GABRB3: variants seen among roughly 807,000 people sequenced by gnomAD.
GABRB3 encodes gamma-aminobutyric acid type A receptor subunit beta3, also known as gamma-aminobutyric acid receptor subunit beta-3.
A neutral mutation model predicts 52.1 loss-of-function variants in GABRB3; 14 were observed. The observed-to-expected ratio is 0.27, with a 90% CI of 0.18 to 0.42. GABRB3 has a LOEUF of 0.42. Ranked by LOEUF, GABRB3 falls within the 10% of genes least tolerant of loss-of-function variation. The probability of loss-of-function intolerance (pLI) is 1.00; values close to 1 mark genes in which losing one functional copy is unlikely to be tolerated. For synonymous variants in GABRB3, 260 were observed against 232.3 expected (o/e 1.12, Z -1.08); for missense variants, 307 against 609.1 (o/e 0.50, Z 5.22).
intron 3 of GABRB3, among the ~76,000 whole-genome samples, chr15:26,681,513 G>A (rs777925108): frequency 1.1e-4 from 17 of 152,074 alleles, no homozygotes; most frequent in African/African-American, 3.9e-4. Context: ...CTCCTCCAAC[G>A]GGCTATGGAT....
intron 4 of GABRB3, among the ~76,000 whole-genome samples, chr15:26,585,065 G>A (rs961483118): frequency 1.3e-5 from 2 of 152,118 alleles, no homozygotes; most frequent in African/African-American, 4.8e-5. Flanking sequence ...GGGAGAGAAG[G>A]TACAGCAAGT....
intron 3 of GABRB3, among the ~76,000 whole-genome samples, chr15:26,646,977 G>T (rs1251552935): frequency 6.6e-6 from 1 of 152,112 alleles, no homozygotes; most frequent in Non-Finnish European, 1.5e-5. Context: ...CCGAGTAGCT[G>T]GGACTACAGG....
At chr15:26,570,490 G>T (rs1175242541) in intron 6 of GABRB3, among the ~76,000 whole-genome samples, 1 of 152,224 alleles carries the variant, frequency 6.6e-6, no homozygotes, top group African/African-American at 2.4e-5. Context: ...TCATGCCACA[G>T]TCAAAATCTT....
intron 3 of GABRB3, among the ~76,000 whole-genome samples, chr15:26,702,717 A>G (rs1888976038): frequency 6.6e-6 from 1 of 152,228 alleles, no homozygotes; most frequent in Admixed American, 6.5e-5. Flanking sequence ...TATTTACCCA[A>G]GAGAAATGAA....
intron 3 of GABRB3, among the ~76,000 whole-genome samples, chr15:26,655,004 A>G (rs1036931785): frequency 1.3e-5 from 2 of 152,052 alleles, no homozygotes; most frequent in Admixed American, 1.3e-4. Context: ...TTATTTTTAA[A>G]TAAGTACATT....
At chr15:26,672,297 T>C (rs193183414) in intron 3 of GABRB3, among the ~76,000 whole-genome samples, 8 of 152,304 alleles carry the variant, frequency 5.3e-5, no homozygotes, top group African/African-American at 1.9e-4. Flanking sequence ...CCAGGCATTT[T>C]ATAACCAGGG....
At chr15:26,629,383 C>G (rs985738262) in intron 3 of GABRB3, among the ~76,000 whole-genome samples, 3 of 152,198 alleles carry the variant, frequency 2.0e-5, no homozygotes, top group African/African-American at 4.8e-5. Flanking sequence ...AGAACCTCGC[C>G]CTGGGAGGGT....
At chr15:26,773,582 GC>G, upstream of GABRB3, 1 of 1,393,064 alleles carries the variant, frequency 7.2e-7, no homozygotes, top group Non-Finnish European at 9.9e-7. Context: ...GCCTCTGCCC[GC>G]CGGACTGCGG....
chr15:26,549,215 C>T (rs1889368985), intron 8 of GABRB3, among the ~76,000 whole-genome samples: 1 of 152,208 alleles, frequency 6.6e-6, no homozygotes, highest in Admixed American at 6.5e-5. Context: ...CCGCCTTCTG[C>T]ATACACTTTA....
chr15:26,609,428 G>T (rs950524536), intron 4 of GABRB3, among the ~76,000 whole-genome samples: 4 of 151,960 alleles, frequency 2.6e-5, no homozygotes, highest in Non-Finnish European at 5.9e-5. Flanking sequence ...TTTATTTTTG[G>T]TTGAATACAA....
intron 8 of GABRB3, among the ~76,000 whole-genome samples, chr15:26,554,021 T>TTTTATATATATATATATATATATATATA (rs1555400756): frequency 1.4e-3 from 34 of 23,672 alleles, no homozygotes; most frequent in African/African-American, 3.1e-3. Context: ...ACCTGACTAT[T>TTTTATATATATATATATATATATATATA]TATATATATA....
At chr15:26,553,814 G>A (rs551527551) in intron 8 of GABRB3, among the ~76,000 whole-genome samples, 1 of 151,746 alleles carries the variant, frequency 6.6e-6, no homozygotes, top group African/African-American at 2.4e-5. Context: ...TAACTGATGA[G>A]ACCTTAAATA....
intron 3 of GABRB3, among the ~76,000 whole-genome samples, chr15:26,733,395 A>G (rs1198896777): frequency 1.3e-5 from 2 of 152,200 alleles, no homozygotes; most frequent in Non-Finnish European, 2.9e-5. Flanking sequence ...AAAGTTACAG[A>G]AATAATTTTA....
chr15:26,756,736 T>C (rs1196371920), intron 3 of GABRB3, among the ~76,000 whole-genome samples: 4 of 152,060 alleles, frequency 2.6e-5, no homozygotes, highest in African/African-American at 7.2e-5. Flanking sequence ...ACAGATCATG[T>C]ATAGAGTTCA....
chr15:26,755,382 C>T (rs1325341333), intron 3 of GABRB3, among the ~76,000 whole-genome samples: 1 of 151,988 alleles, frequency 6.6e-6, no homozygotes, highest in East Asian at 1.9e-4. Context: ...AGATTTACTG[C>T]GGAAATTAGA....
chr15:26,730,487 A>C (rs1595555764), intron 3 of GABRB3, among the ~76,000 whole-genome samples: 1 of 148,680 alleles, frequency 6.7e-6, no homozygotes, highest in Non-Finnish European at 1.5e-5. Context: ...GCACCTCACC[A>C]CCCCCCGTGC....
At chr15:26,772,300 C>G (rs916172825) in intron 3 of GABRB3, 102 bp downstream of exon 3, 2 of 1,043,542 alleles carry the variant, frequency 1.9e-6, no homozygotes, top group Non-Finnish European at 1.4e-6. Context: ...CGGGGAAACT[C>G]GGCCCCGGCC....
intron 3 of GABRB3, among the ~76,000 whole-genome samples, chr15:26,721,279 CAG>C (rs758854223): frequency 6.6e-6 from 1 of 152,102 alleles, no homozygotes; most frequent in Non-Finnish European, 1.5e-5. Context: ...GCTCTGGAAA[CAG>C]AGCAGAAGTG....
At chr15:26,720,499 C>T (rs1013603417) in intron 3 of GABRB3, among the ~76,000 whole-genome samples, 6 of 152,152 alleles carry the variant, frequency 3.9e-5, no homozygotes, top group African/African-American at 1.4e-4. Flanking sequence ...CTGGGGCAAG[C>T]AGGCATCATT....
Sources: allele counts gnomAD v4.1 joint callset (sites outside exome capture counted in the v4.1 genomes callset), GRCh38; gene constraint gnomAD v4.1.1; transcripts MANE v1.5; gene names NCBI Gene and HGNC (gene_info 2026-07-23, HGNC 2026-07-21).